GPR50: variants seen among roughly 807,000 people sequenced by gnomAD.
The protein encoded by GPR50 is G protein-coupled receptor 50.
Under a neutral mutation model 2.6 loss-of-function variants are expected in GPR50, and 1 was observed. The ratio of observed to expected loss-of-function variants is 0.38; its 90% CI spans 0.13 to 1.79. The LOEUF is 1.79. Ranked by LOEUF, GPR50 falls within the 40% of genes most tolerant of loss-of-function variation. The pLI is 0.33. For missense variants in GPR50, 535 were observed against 522.1 expected, an observed-to-expected ratio of 1.02 and a Z score of -0.24; for synonymous variants, 233 against 202.3, an observed-to-expected ratio of 1.15 and a Z score of -1.29.
At chrX:151,181,828 G>A (rs185097103), downstream of GPR50, among the ~76,000 whole-genome samples, 5 of 111,827 alleles carry the variant, frequency 4.5e-5, no homozygotes, top group South Asian at 1.1e-3. Context: ...CCCATTCCCC[G>A]AGGGGGTTGG....
At chrX:151,177,967 G>A (rs2048690419) in intron 1 of GPR50, 1 of 110,308 alleles carries the variant, frequency 9.1e-6, no homozygotes, top group African/African-American at 3.3e-5. Context: ...AGACACTGCA[G>A]AGCAGCTAGT....
At chrX:151,179,640 G>C in intron 1 of GPR50, 131 bp from the exon 2 acceptor site, 1 of 471,316 alleles carries the variant, frequency 2.1e-6, no homozygotes, top group Non-Finnish European at 3.6e-6. Context: ...TTCTTTAAAA[G>C]AATTCTGGAA....
chrX:151,180,152 T>C lies in GPR50; in HGVS notation c.569T>C (p.Val190Ala), dbSNP rs780037380. ...FNYLNNPVFT[V>A]TIVCIHFVLP... ...TATCTGAACAACCCTGTCTTCACTG[T>C]TACCATCGTCTGCATCCACTTCGTC... The change falls in exon 2 of 2, where the codon GTT becomes GCT. Residue 190 changes from valine to alanine, a missense_variant. Coordinates refer to ENST00000218316, the MANE Select transcript of GPR50 (RefSeq NM_004224.3). 12 of 1,205,711 alleles carry C rather than the reference T, an allele frequency of 1.0e-5. No homozygotes were observed. The Admixed American group carries it at 1.7e-4, about 18-fold the overall frequency.
chrX:151,178,047 G>C (rs1299653675), intron 1 of GPR50, among the ~76,000 whole-genome samples: 1 of 109,883 alleles, frequency 9.1e-6, no homozygotes, highest in Non-Finnish European at 1.9e-5. Flanking sequence ...CAAACTCCGA[G>C]TTCAGGCCGG....
chrX:151,179,712 T>C, intron 1 of GPR50, 59 bp from the exon 2 acceptor site: 1 of 864,705 alleles, frequency 1.2e-6, no homozygotes. Context: ...ATTTCTGTAC[T>C]TAAACCACTT....
At position 151,180,446 on chromosome X, in the gene GPR50, G is replaced by C. The variant is rs770761959; in HGVS notation, c.863G>C (p.Cys288Ser). The stretch of plus-strand genomic sequence containing the variant: ...TACTTCATAGCCTACTTCAACAGCT[G>C]CCTCAACGCTGTGATCTACGGGCTC... Reference protein sequence around the residue: ...AAYFIAYFNSCLNAVIYGLLN... With the variant: ...AAYFIAYFNSSLNAVIYGLLN... Residue 288 changes from cysteine (C) to serine (S), a missense_variant, in exon 2 of 2, where the codon TGC becomes TCC. Transcript: ENST00000218316. 4.2e-5 allele frequency: 51 copies of C among 1,208,976 alleles called. No individual in the cohort carries two copies. Among genetic ancestry groups the C allele is most frequent in the Admixed American group, 8.7e-5 (4 of 45,802 alleles).
intron 1 of GPR50, 75 bp from the exon 2 acceptor site, chrX:151,179,696 G>A (rs1325609313): frequency 1.8e-5 from 13 of 708,638 alleles, no homozygotes; most frequent in Admixed American, 3.0e-5. Flanking sequence ...CACCTTAAAT[G>A]TGTAGATTTC....
chrX:151,179,708 G>C, intron 1 of GPR50, 63 bp from the exon 2 acceptor site: 1 of 813,474 alleles, frequency 1.2e-6, no homozygotes, highest in African/African-American at 2.0e-5. Context: ...GTAGATTTCT[G>C]TACTTAAACC....
At chrX:151,177,329 G>C (rs6627873) in intron 1 of GPR50, 8,707 of 118,207 alleles carry the variant, frequency 0.074, 361 homozygotes, top group African/African-American at 0.16. Context: ...GCGGGGCTGC[G>C]ACCTGCTCTG....
rs371146604 is a variant in GPR50 at position 151,181,219 on chromosome X, G to A, written c.1636G>A (p.Glu546Lys). 31 of 1,208,376 alleles carry A rather than the reference G, an allele frequency of 2.6e-5. No homozygotes were observed. The highest frequency in any genetic ancestry group is 2.5e-4 in the African/African-American group (14 of 56,869). The part of the protein sequence containing the change: ...NPELSASHCP[E>K]IPAIAHPVSD... ...TGAGCTCTCTGCCTCCCATTGCCCC[G>A]AGATCCCTGCCATTGCCCACCCTGT... is the stretch of plus-strand genomic sequence containing the variant. The change falls in exon 2 of 2, where the codon GAG becomes AAG. Residue 546 changes from glutamate (E) to lysine (K), a missense_variant. By Grantham distance (56) the Glu-to-Lys change is moderately conservative. Coordinates refer to ENST00000218316, the MANE Select transcript of GPR50 (RefSeq NM_004224.3).
chrX:151,177,493 C>T (rs1348340600), intron 1 of GPR50: 1 of 112,576 alleles, frequency 8.9e-6, no homozygotes, highest in Non-Finnish European at 1.9e-5. Context: ...ACCCCCGCGC[C>T]CGAGAATCGA....
Position 151,180,796 on chromosome X carries a change from A to G in GPR50, c.1213A>G (p.Lys405Glu), listed in dbSNP as rs762651170. 49 of 1,207,813 alleles carry G rather than the reference A, an allele frequency of 4.1e-5. No individual in the cohort carries two copies. The South Asian group carries it at 7.9e-4, about 20-fold the overall frequency. Residue 405 changes from lysine to glutamate, a missense_variant, in exon 2 of 2, where the codon AAG becomes GAG. Transcript: ENST00000218316. ...AYRKSASTHHKSVFSHSKAAS... is the reference protein window; with the variant it reads ...AYRKSASTHHESVFSHSKAAS... ...TCGCAAATCTGCCTCTACCCACCACAAGTCTGTCTTTAGCCACTCCAAGGC... is the reference window on the plus strand; with the variant it reads ...TCGCAAATCTGCCTCTACCCACCACGAGTCTGTCTTTAGCCACTCCAAGGC...
rs764196997 is a variant in GPR50, at chrX:151,179,996, G to C, written c.413G>C (p.Arg138Pro). Residue 138 changes from arginine (R) to proline (P), a missense_variant, in exon 2 of 2, where the codon CGG (arginine) becomes CCG (proline). Coordinates refer to ENST00000218316, the MANE Select transcript of GPR50 (RefSeq NM_004224.3). ...CYICHSLQYE[R>P]IFSVRNTCIY... ...ATCTGCCACAGCCTCCAGTACGAAC[G>C]GATCTTCAGTGTGCGCAATACCTGC... 8.3e-7 allele frequency: 1 copy of C among 1,210,382 alleles called. No homozygotes were observed.
At chrX:151,182,146 G>A (rs1410143897), downstream of GPR50, among the ~76,000 whole-genome samples, 4 of 112,235 alleles carry the variant, frequency 3.6e-5, no homozygotes, top group Admixed American at 2.8e-4. Context: ...TTGAAAATTT[G>A]AACATTGGTG....
chrX:151,182,176 G>C (rs564408959), downstream of GPR50, among the ~76,000 whole-genome samples: 36 of 111,817 alleles, frequency 3.2e-4, no homozygotes, highest in African/African-American at 1.2e-3. Flanking sequence ...GTCAAACATG[G>C]TTGCAAATGA....
At chrX:151,182,174 T>C (rs1454319006), downstream of GPR50, among the ~76,000 whole-genome samples, 1 of 112,302 alleles carries the variant, frequency 8.9e-6, no homozygotes, top group Non-Finnish European at 1.9e-5. Flanking sequence ...TAGTCAAACA[T>C]GGTTGCAAAT....
At chrX:151,179,510 G>A (rs931418219) in intron 1 of GPR50, among the ~76,000 whole-genome samples, 7 of 109,537 alleles carry the variant, frequency 6.4e-5, no homozygotes, top group African/African-American at 2.3e-4. Context: ...TGAAGGAAAC[G>A]TTTGCATTTT....
rs749222683 is a variant in GPR50, at chrX:151,180,159, C to T, written c.576C>T (p.Ile192=). ...ACAACCCTGTCTTCACTGTTACCAT[C>T]GTCTGCATCCACTTCGTCCTCCCTC... ...YLNNPVFTVT[I]VCIHFVLPLL... The change falls in exon 2 of 2, where the codon ATC becomes ATT. Residue 192 remains isoleucine (I), a synonymous_variant. Coordinates refer to ENST00000218316, the MANE Select transcript of GPR50 (RefSeq NM_004224.3). 1.7e-6 allele frequency: 2 copies of T among 1,206,976 alleles called. No individual in the cohort carries two copies. Among genetic ancestry groups the T allele is most frequent in the East Asian group, 5.9e-5 (2 of 33,831 alleles).
Position 151,176,633 on chromosome X carries a change from G to A in GPR50, c.-89G>A, listed in dbSNP as rs1456629159. ...AGAGAGGGAGGCACGCTTTCCTGGA[G>A]CTCCTGGTGACAGAACAGGTGTTTG... On this transcript the variant is annotated 5_prime_UTR_variant, in exon 1 of 2. Coordinates refer to ENST00000218316, the MANE Select transcript of GPR50 (RefSeq NM_004224.3). 1.8e-6 allele frequency: 1 copy of A among 565,649 alleles called. No individual in the cohort carries two copies. Among genetic ancestry groups the A allele is most frequent in the African/African-American group, 2.4e-5 (1 of 41,731 alleles). The allele number at this position is 565,649 out of a possible 1,213,427, so 46.6% of individuals were successfully genotyped here. A position where few individuals can be genotyped will look rare whatever the true frequency, so the allele number is the denominator to read the frequency against.
Sources: allele counts gnomAD v4.1 joint callset (sites outside exome capture counted in the v4.1 genomes callset), GRCh38; gene constraint gnomAD v4.1.1; transcripts MANE v1.5; gene names NCBI Gene and HGNC (gene_info 2026-07-23, HGNC 2026-07-21).